ARHGAP26: variants seen among roughly 807,000 people sequenced by gnomAD.
The protein encoded by ARHGAP26 is rho GTPase-activating protein 26.
ARHGAP26 carries 38 observed loss-of-function variants against 104.8 expected under a neutral mutation model. That is an observed-to-expected ratio of 0.36 (90% CI 0.28 to 0.48). The LOEUF is 0.48. Among genes scored for constraint, ARHGAP26 ranks in the 20% least tolerant of loss-of-function variants. The pLI, the probability that ARHGAP26 is intolerant of heterozygous loss-of-function variation, is 0.99. For missense variants in ARHGAP26, 704 were observed against 947.9 expected (o/e 0.74, Z 3.38); for synonymous variants, 341 against 340.0 (o/e 1.00, Z -0.03).
At position 143,105,553 on chromosome 5, in the gene ARHGAP26, T is replaced by C. The variant is rs561829047; in HGVS notation, c.1539-15435T>C. The stretch of plus-strand genomic sequence containing the variant: ...TGTGTGGGAATCATATGTGGGTGTA[T>C]ATATGTTTAAGGGGTATGCATCCGG... On this transcript the variant is annotated intron_variant, in intron 17 of 22. Transcript: ENST00000645722. Among the ~76,000 whole-genome samples the C allele has an allele frequency of 7.2e-5, 11 of 152,250 alleles. No individual in the cohort carries two copies. The South Asian group carries it at 1.9e-3, about 26-fold the overall frequency.
chr5:143,118,943 TAA>T lies in ARHGAP26; in HGVS notation c.1539-2033_1539-2032del, dbSNP rs11408187. On this transcript the variant is annotated intron_variant, in intron 17 of 22. Coordinates refer to ENST00000645722, the MANE Select transcript of ARHGAP26 (RefSeq NM_001135608.3). ...ACCCTAAAACTTAAAAGTATAATAA[TAA>T]AAAAAAAAAAAGAAAGAAGAAAGAA... Among the ~76,000 whole-genome samples the T allele has an allele frequency of 7.3e-5, 9 of 123,816 alleles. No homozygotes were observed. The East Asian group carries it at 8.8e-4, about 12-fold the overall frequency. 81.2% of individuals were successfully genotyped at this position (123,816 alleles called of 152,430 possible).
intron 17 of ARHGAP26, among the ~76,000 whole-genome samples, chr5:143,115,975 A>G (rs1319650166): frequency 6.7e-6 from 1 of 149,306 alleles, no homozygotes. Context: ...GGCTCATGAA[A>G]ACAATTTATT....
chr5:142,772,484 G>C (rs1266648621), intron 1 of ARHGAP26, among the ~76,000 whole-genome samples: 1 of 152,194 alleles, frequency 6.6e-6, no homozygotes, highest in East Asian at 1.9e-4. Context: ...GCAAACTTTT[G>C]GTGTGATTGT....
chr5:143,039,315 C>G (rs1783101839), intron 13 of ARHGAP26, among the ~76,000 whole-genome samples: 1 of 150,752 alleles, frequency 6.6e-6, no homozygotes, highest in Non-Finnish European at 1.5e-5. Context: ...TCAAGCGATT[C>G]TCCTACCTCA....
intron 20 of ARHGAP26, chr5:143,202,905 C>T (rs536652873): frequency 1.3e-5 from 2 of 152,162 alleles, no homozygotes; most frequent in Non-Finnish European, 2.9e-5. Context: ...CCCTTCCTTA[C>T]ATTTTATACA....
rs191696157 is a variant in ARHGAP26 at position 142,883,992 on chromosome 5, G to C, written c.385-1306G>C. Among the ~76,000 whole-genome samples, 119 of 152,350 alleles carry C rather than the reference G, an allele frequency of 7.8e-4. 1 individual carries two copies. The highest frequency in any genetic ancestry group is 2.7e-3 in the African/African-American group (112 of 41,580). On this transcript the variant is annotated intron_variant, in intron 4 of 22. Coordinates refer to ENST00000645722, the MANE Select transcript of ARHGAP26 (RefSeq NM_001135608.3). ...TAAAGGAATAAAGAGATGTGTCTGA[G>C]CTTCTTTATTTGGCCAGAAAATATT...
intron 11 of ARHGAP26, among the ~76,000 whole-genome samples, chr5:142,963,572 C>T (rs1770773075): frequency 6.6e-6 from 1 of 152,116 alleles, no homozygotes; most frequent in South Asian, 2.1e-4. Flanking sequence ...AAACACCGTA[C>T]TTACAAAACA....
At chr5:143,184,898 C>A (rs140145944) in intron 20 of ARHGAP26, among the ~76,000 whole-genome samples, 311 of 152,298 alleles carry the variant, frequency 2.0e-3, no homozygotes, top group Non-Finnish European at 3.8e-3. Context: ...TCTGGCAATA[C>A]GTGTTGTAAG....
In ARHGAP26 at chr5:143,056,090, A is replaced by G. The variant is rs373396850; in HGVS notation, c.1432+4A>G. On this transcript the variant is annotated splice_donor_region_variant and intron_variant, in intron 16 of 22. Coordinates refer to ENST00000645722, the MANE Select transcript of ARHGAP26 (RefSeq NM_001135608.3). ...AGAAGTTTCATCAAAGCAGCAAGTA[A>G]GTCTTTTTTGTCTCAGTTTTAAGGG... 132 of 1,612,136 alleles carry G rather than the reference A, an allele frequency of 8.2e-5. No individual in the cohort carries two copies. The African/African-American group carries it at 1.1e-3, about 14-fold the overall frequency.
chr5:143,182,622 T>A (rs1804546179), intron 20 of ARHGAP26, among the ~76,000 whole-genome samples: 1 of 152,228 alleles, frequency 6.6e-6, no homozygotes, highest in Non-Finnish European at 1.5e-5. Context: ...ATGCACAAGA[T>A]CATTTATTGT....
chr5:142,775,067 T>G (rs1397238962), intron 1 of ARHGAP26, among the ~76,000 whole-genome samples: 2 of 152,154 alleles, frequency 1.3e-5, no homozygotes, highest in African/African-American at 4.8e-5. Context: ...TATGTGGAAA[T>G]AAGTTTTTAA....
At chr5:142,792,685 C>A (rs573484549) in intron 1 of ARHGAP26, among the ~76,000 whole-genome samples, 2 of 152,252 alleles carry the variant, frequency 1.3e-5, no homozygotes, top group South Asian at 2.1e-4. Context: ...ACTGAGAGCA[C>A]CCCGGCTGTG....
At chr5:143,103,732 G>A (rs943577033) in intron 17 of ARHGAP26, among the ~76,000 whole-genome samples, 1 of 152,184 alleles carries the variant, frequency 6.6e-6, no homozygotes, top group Non-Finnish European at 1.5e-5. Flanking sequence ...ACTCGTAAGT[G>A]GGAGTTGAAC....
chr5:143,128,214 G>A (rs1217289996), intron 18 of ARHGAP26, among the ~76,000 whole-genome samples: 2 of 152,126 alleles, frequency 1.3e-5, no homozygotes, highest in Admixed American at 6.5e-5. Context: ...ATAAATCCCA[G>A]ATAAACCAAT....
At chr5:143,220,216 C>A (rs151316794) in intron 22 of ARHGAP26, among the ~76,000 whole-genome samples, 1 of 152,150 alleles carries the variant, frequency 6.6e-6, no homozygotes. Context: ...ATTCTTTCTA[C>A]GTTTTTATTT....
intron 1 of ARHGAP26, among the ~76,000 whole-genome samples, chr5:142,840,300 A>G (rs1255298621): frequency 2.0e-5 from 3 of 152,222 alleles, no homozygotes. Context: ...ATGTAAATAT[A>G]TGATGGGGAG....
At chr5:142,944,229 G>A (rs945616454) in intron 11 of ARHGAP26, among the ~76,000 whole-genome samples, 1 of 152,174 alleles carries the variant, frequency 6.6e-6, no homozygotes, top group African/African-American at 2.4e-5. Flanking sequence ...CCCTTCTGTT[G>A]TGTAGCATTT....
chr5:143,070,739 A>G (rs1163996795), intron 17 of ARHGAP26, among the ~76,000 whole-genome samples: 2 of 152,074 alleles, frequency 1.3e-5, no homozygotes, highest in African/African-American at 2.4e-5. Context: ...GTGAAGCTCC[A>G]TTTCTACTAA....
chr5:143,170,985 C>T (rs754425699), intron 20 of ARHGAP26, among the ~76,000 whole-genome samples: 2 of 151,582 alleles, frequency 1.3e-5, no homozygotes, highest in Non-Finnish European at 2.9e-5. Context: ...AGAATGAGTA[C>T]CTAAAAACAG....
Sources: gnomAD v4.1 joint callset for allele counts (sites outside exome capture counted in the v4.1 genomes callset) on GRCh38, gnomAD v4.1.1 for gene constraint, MANE v1.5 for transcripts, NCBI Gene and HGNC (gene_info 2026-07-23, HGNC 2026-07-21) for gene names.